COL11A1: variants seen among roughly 807,000 people sequenced by gnomAD.
COL11A1 encodes the protein collagen alpha-1(XI) chain.
COL11A1 carries 74 observed loss-of-function variants against 265.2 expected under a neutral mutation model. The ratio of observed to expected loss-of-function variants is 0.28; its 90% confidence interval spans 0.23 to 0.34. The LOEUF is 0.34. Ranked by LOEUF, COL11A1 falls within the 10% of genes least tolerant of loss-of-function variation. COL11A1 has a pLI of 1.00. For synonymous variants in COL11A1, 816 were observed against 727.6 expected (o/e 1.12, Z -1.96); for missense variants, 2,165 against 2,263.6 (o/e 0.96, Z 0.88).
intron 60 of COL11A1, 50 bp downstream of exon 60, chr1:102,888,816 A>T: frequency 1.2e-6 from 2 of 1,612,746 alleles, no homozygotes; most frequent in South Asian, 2.2e-5. Flanking sequence ...TGTCTCTGTT[A>T]TATTTGTAAC....
intron 1 of COL11A1, among the ~76,000 whole-genome samples, chr1:103,096,190 G>A (rs1391374845): frequency 6.6e-6 from 1 of 151,936 alleles, no homozygotes; most frequent in East Asian, 1.9e-4. Context: ...CTGCTGTGTT[G>A]AGAAGAAACT....
At chr1:103,084,568 A>G (rs891963351) in intron 1 of COL11A1, among the ~76,000 whole-genome samples, 2 of 150,656 alleles carry the variant, frequency 1.3e-5, no homozygotes, top group Non-Finnish European at 3.0e-5. Flanking sequence ...CCTTCAAAAC[A>G]GTACACTACA....
chr1:103,095,785 A>C (rs1673708525), intron 1 of COL11A1, among the ~76,000 whole-genome samples: 1 of 152,070 alleles, frequency 6.6e-6, no homozygotes, highest in Non-Finnish European at 1.5e-5. Flanking sequence ...TTAACAAAAA[A>C]AAAAGATAGC....
intron 46 of COL11A1, among the ~76,000 whole-genome samples, chr1:102,931,878 G>C (rs1006841827): frequency 6.6e-6 from 1 of 151,180 alleles, no homozygotes; most frequent in Non-Finnish European, 1.5e-5. Flanking sequence ...ATCTTTGTTG[G>C]TTTAAAGTCT....
At chr1:102,994,807 C>T (rs959704960) in intron 28 of COL11A1, among the ~76,000 whole-genome samples, 2 of 152,032 alleles carry the variant, frequency 1.3e-5, no homozygotes, top group South Asian at 4.1e-4. Context: ...AAGATACTAC[C>T]TGAGACTGCG....
chr1:103,023,050 G>A, intron 7 of COL11A1, 54 bp from the exon 8 acceptor site: 4 of 1,557,706 alleles, frequency 2.6e-6, no homozygotes, highest in Non-Finnish European at 3.5e-6. Context: ...TGTTAGTAAA[G>A]CAAGGTAAGC....
At chr1:102,904,393 G>C (rs570811182) in intron 54 of COL11A1, among the ~76,000 whole-genome samples, 7,822 of 151,998 alleles carry the variant, frequency 0.051, 728 homozygotes, top group African/African-American at 0.18. Context: ...TTAAACTAAA[G>C]AGATTCTGCA....
chr1:102,959,108 T>C (rs1255850718), intron 41 of COL11A1, among the ~76,000 whole-genome samples: 2 of 152,246 alleles, frequency 1.3e-5, no homozygotes, highest in Admixed American at 1.3e-4. Context: ...TTGTGATCTA[T>C]TCTCTCCTAT....
Position 103,074,830 on chromosome 1 carries a change from C to A in COL11A1, c.489-50G>T, listed in dbSNP as rs779657046. ...GTAAGCTTCAAAGAAACAGTGGTTG[C>A]CAAAGCAGTATTCACATAAAAATGC... On this transcript the variant is annotated intron_variant, in intron 3 of 66. Coordinates refer to ENST00000370096, the MANE Select transcript of COL11A1 (RefSeq NM_001854.4). The A allele has an allele frequency of 8.8e-6, 14 of 1,594,140 alleles. No homozygotes were observed. In the South Asian group the frequency reaches 1.1e-4, roughly 13 times the overall value.
chr1:103,042,467 C>T (rs1345666643), intron 4 of COL11A1, among the ~76,000 whole-genome samples: 1 of 152,054 alleles, frequency 6.6e-6, no homozygotes, highest in African/African-American at 2.4e-5. Flanking sequence ...CTATTACTAA[C>T]ATTTCTGTCT....
At chr1:102,943,949 G>A (rs1429799052) in intron 42 of COL11A1, among the ~76,000 whole-genome samples, 1 of 152,154 alleles carries the variant, frequency 6.6e-6, no homozygotes, top group Non-Finnish European at 1.5e-5. Context: ...TTCTATCAAT[G>A]AAATTAAATT....
At position 103,053,618 on chromosome 1, in the gene COL11A1, G is replaced by A. The variant is rs1055516796; in HGVS notation, c.651+21000C>T. On this transcript the variant is annotated intron_variant, in intron 4 of 66. Transcript: ENST00000370096. ...ACATAAAACAGCCAAAAACAGATGC[G>A]CTTTTGAGTCTTGGCTAAGGATAAC... Among the ~76,000 whole-genome samples the A allele has an allele frequency of 2.6e-4, 39 of 152,108 alleles. 1 individual carries two copies. Among genetic ancestry groups the A allele is most frequent in the African/African-American group, 8.5e-4 (35 of 41,418 alleles).
Position 102,880,008 on chromosome 1 carries a change from C to G in COL11A1, c.5041-92G>C, listed in dbSNP as rs1650030691. 12 of 863,238 alleles carry G rather than the reference C, an allele frequency of 1.4e-5. No homozygotes were observed. The South Asian group carries it at 1.7e-4, about 12-fold the overall frequency. 53.5% of individuals were successfully genotyped at this position (863,238 alleles called of 1,614,324 possible). On this transcript the variant is annotated intron_variant, in intron 65 of 66. Coordinates refer to ENST00000370096, the MANE Select transcript of COL11A1 (RefSeq NM_001854.4). The stretch of plus-strand genomic sequence containing the variant: ...TCACTGCAGACAGTGAACTGTGATG[C>G]CAGAAGCATGTAGATGAATCAAAAG...
intron 41 of COL11A1, among the ~76,000 whole-genome samples, chr1:102,959,531 G>T (rs1016817352): frequency 1.3e-5 from 2 of 152,048 alleles, no homozygotes; most frequent in African/African-American, 2.4e-5. Flanking sequence ...TTTATTGTTT[G>T]TATGTCATTA....
chr1:102,973,523 A>C (rs1662177723), intron 36 of COL11A1, among the ~76,000 whole-genome samples: 1 of 152,184 alleles, frequency 6.6e-6, no homozygotes, highest in South Asian at 2.1e-4. Flanking sequence ...TTCCTAAACA[A>C]TAATCTAATA....
chr1:103,062,264 T>C (rs1670733401), intron 4 of COL11A1, among the ~76,000 whole-genome samples: 1 of 151,968 alleles, frequency 6.6e-6, no homozygotes. Flanking sequence ...AGGAAAAAGA[T>C]ATACCAATTC....
In COL11A1 at chr1:103,001,865, C is replaced by T. The variant is rs1453715412; in HGVS notation, c.2142+60G>A. The T allele has an allele frequency of 4.0e-6, 6 of 1,501,242 alleles. No homozygotes were observed. In the East Asian group the frequency reaches 1.4e-4, roughly 34 times the overall value. 93.0% of individuals were successfully genotyped at this position (1,501,242 alleles called of 1,614,324 possible). A position where few individuals can be genotyped will look rare whatever the true frequency, so the allele number is the denominator to read the frequency against. The stretch of plus-strand genomic sequence containing the variant: ...AAACAGAAGGCAGACCTTATACCTG[C>T]CTAAGATTGCTAAAACAAACATGTT... On this transcript the variant is annotated intron_variant, in intron 24 of 66. Transcript: ENST00000370096.
intron 24 of COL11A1, 173 bp downstream of exon 24, chr1:103,001,752 A>G: frequency 3.1e-6 from 2 of 643,386 alleles, no homozygotes; most frequent in Non-Finnish European, 5.6e-6. Flanking sequence ...CAGTTTAAGA[A>G]CACATGAATG....
intron 31 of COL11A1, among the ~76,000 whole-genome samples, chr1:102,982,242 G>T (rs1042386497): frequency 6.6e-6 from 1 of 151,900 alleles, no homozygotes; most frequent in South Asian, 2.1e-4. Flanking sequence ...TTATTCTGTT[G>T]CATTTTGTTA....
Sources: allele counts gnomAD v4.1 joint callset (sites outside exome capture counted in the v4.1 genomes callset), GRCh38; gene constraint gnomAD v4.1.1; transcripts MANE v1.5; gene names NCBI Gene and HGNC (gene_info 2026-07-23, HGNC 2026-07-21).